Variants in PSMF1 observed in about 807,000 individuals in gnomAD.
PSMF1 encodes proteasome inhibitor subunit 1, also known as proteasome inhibitor PI31 subunit.
PSMF1 carries 30 observed loss-of-function variants against 29.3 expected under a neutral mutation model. The ratio of observed to expected loss-of-function variants is 1.02; its 90% CI spans 0.77 to 1.39. PSMF1 has a LOEUF of 1.39. Among genes scored for constraint, PSMF1 ranks in the 40% most tolerant of loss-of-function variants. The pLI is 0.00. For synonymous variants in PSMF1, 134 were observed against 139.7 expected, an observed-to-expected ratio of 0.96 and a Z score of 0.29; for missense variants, 344 against 357.5, an observed-to-expected ratio of 0.96 and a Z score of 0.31.
rs541690261 is a variant in PSMF1, at chr20:1,169,771, G to C, written c.*4691G>C. Among the ~76,000 whole-genome samples the C allele has an allele frequency of 6.6e-6, 1 of 152,188 alleles. No homozygotes were observed. The highest frequency in any genetic ancestry group is 1.5e-5 in the Non-Finnish European group (1 of 68,032). ...CCAAGTTCAAGGCTCAATTGAATGC[G>C]TCTGGTTGTTGGAACCTACATGGCC... On this transcript the variant is annotated 3_prime_UTR_variant, in exon 7 of 7. Transcript: ENST00000335877.
chr20:1,148,184 T>TA (rs1353241076), intron 4 of PSMF1, among the ~76,000 whole-genome samples: 2 of 152,228 alleles, frequency 1.3e-5, no homozygotes, highest in Non-Finnish European at 2.9e-5. Context: ...TCTGCTGTGA[T>TA]ACTGGGTGCG....
At position 1,170,869 on chromosome 20, in the gene PSMF1, C is replaced by T. The variant is rs1425204062; in HGVS notation, c.*5789C>T. 6.6e-6 allele frequency among the ~76,000 whole-genome samples: 1 copy of T among 152,156 alleles called. No homozygotes were observed. The highest frequency in any genetic ancestry group is 1.5e-5 in the Non-Finnish European group (1 of 68,026). On this transcript the variant is annotated 3_prime_UTR_variant, in exon 7 of 7. Transcript: ENST00000335877. Reference sequence around the variant, plus strand: ...GAAACAAGCATTTATCAGGTGCACACAGCGTGCTAGGCTTCTCCTCATCGC... The same window carrying T: ...GAAACAAGCATTTATCAGGTGCACATAGCGTGCTAGGCTTCTCCTCATCGC...
chr20:1,171,450 T>C lies in PSMF1; in HGVS notation c.*6370T>C, dbSNP rs1474793824. Among the ~76,000 whole-genome samples the C allele has an allele frequency of 2.6e-5, 4 of 152,114 alleles. No individual in the cohort carries two copies. The East Asian group carries it at 7.7e-4, about 29-fold the overall frequency. ...TAGGATGGCAGCTAGTCTTCCCTAT[T>C]GACAGGTGAAAAAGCAGGTCCACAG... On this transcript the variant is annotated 3_prime_UTR_variant, in exon 7 of 7. Coordinates refer to ENST00000335877, the MANE Select transcript of PSMF1 (RefSeq NM_006814.5).
chr20:1,123,293 T>C (rs2086113502), intron 1 of PSMF1, among the ~76,000 whole-genome samples: 2 of 152,142 alleles, frequency 1.3e-5, no homozygotes, highest in Admixed American at 1.3e-4. Flanking sequence ...CCCTTGTCCT[T>C]GGTGTGTGAA....
intron 2 of PSMF1, among the ~76,000 whole-genome samples, chr20:1,126,545 C>T (rs1196057047): frequency 2.0e-5 from 3 of 152,034 alleles, no homozygotes; most frequent in African/African-American, 2.4e-5. Flanking sequence ...CAACAAAAAC[C>T]TCTTGGGTTA....
rs567075733 is a variant in PSMF1 at position 1,167,361 on chromosome 20, T to C, written c.*2281T>C. ...TTTAAATAGCAGCTTTATTGAGATA[T>C]AATTTACATACCCATAATTTACATA... On this transcript the variant is annotated 3_prime_UTR_variant, in exon 7 of 7. Transcript: ENST00000335877. 2 of 150,592 alleles carry C rather than the reference T, an allele frequency of 1.3e-5. No homozygotes were observed. The highest frequency in any genetic ancestry group is 2.9e-5 in the Non-Finnish European group (2 of 68,018). The allele number at this position is 150,592 out of a possible 1,614,324, so 9.3% of individuals were successfully genotyped here.
rs764577093 is a variant in PSMF1 at position 1,165,114 on chromosome 20, C to T, written c.*34C>T. Reference sequence around the variant, plus strand: ...AGAATGTAACATCCCAGGCTTCCCTCCATTCTCCTGGAGCTGCCACCGCTG... The same window carrying T: ...AGAATGTAACATCCCAGGCTTCCCTTCATTCTCCTGGAGCTGCCACCGCTG... On this transcript the variant is annotated 3_prime_UTR_variant, in exon 7 of 7. Coordinates refer to ENST00000335877, the MANE Select transcript of PSMF1 (RefSeq NM_006814.5). 1.9e-5 allele frequency: 31 copies of T among 1,614,034 alleles called. No individual in the cohort carries two copies. The Admixed American group carries it at 2.5e-4, about 13-fold the overall frequency.
chr20:1,159,684 C>A (rs1242146625), intron 4 of PSMF1, among the ~76,000 whole-genome samples: 1 of 152,204 alleles, frequency 6.6e-6, no homozygotes, highest in Non-Finnish European at 1.5e-5. Context: ...ACCTGGTCTG[C>A]CTCTAGTTAG....
At chr20:1,146,656 G>A (rs1213751673) in intron 4 of PSMF1, among the ~76,000 whole-genome samples, 1 of 152,088 alleles carries the variant, frequency 6.6e-6, no homozygotes, top group Admixed American at 6.6e-5. Flanking sequence ...CTCCCCCCAC[G>A]TCAAGGAGAG....
At chr20:1,126,971 A>C (rs1411119334) in intron 2 of PSMF1, among the ~76,000 whole-genome samples, 4 of 152,122 alleles carry the variant, frequency 2.6e-5, no homozygotes, top group African/African-American at 9.7e-5. Flanking sequence ...ATGCCCCGGA[A>C]ACCACTGCTG....
At chr20:1,127,682 C>T (rs2086176670) in intron 3 of PSMF1, among the ~76,000 whole-genome samples, 174 bp downstream of exon 3, 1 of 152,154 alleles carries the variant, frequency 6.6e-6, no homozygotes, top group Non-Finnish European at 1.5e-5. Context: ...GAAGAGGAGA[C>T]TTCCATAGGA....
Position 1,118,622 on chromosome 20 carries a change from T to G in PSMF1, c.-152T>G. 1.1e-6 allele frequency: 1 copy of G among 931,844 alleles called. No homozygotes were observed. Among genetic ancestry groups the G allele is most frequent in the Non-Finnish European group, 1.5e-6 (1 of 656,818 alleles). 57.7% of individuals were successfully genotyped at this position (931,844 alleles called of 1,614,324 possible). A position where few individuals can be genotyped will look rare whatever the true frequency, so the allele number is the denominator to read the frequency against. On this transcript the variant is annotated 5_prime_UTR_variant, in exon 1 of 7. Coordinates refer to ENST00000335877, the MANE Select transcript of PSMF1 (RefSeq NM_006814.5). ...CTTCCGGCTTCCCCGCCCCGCCCCG[T>G]CCCCGGGCGTCTCCATTTTGGTCTC...
intron 4 of PSMF1, among the ~76,000 whole-genome samples, chr20:1,154,621 A>G (rs2086570921): frequency 6.6e-6 from 1 of 152,216 alleles, no homozygotes. Flanking sequence ...CCAAATCAGC[A>G]GTGTCAGCTT....
chr20:1,144,915 A>G (rs1481810389), intron 4 of PSMF1, among the ~76,000 whole-genome samples: 4 of 151,522 alleles, frequency 2.6e-5, no homozygotes, highest in African/African-American at 9.7e-5. Context: ...TTTTCTTTTT[A>G]GACAGAGTCA....
intron 4 of PSMF1, among the ~76,000 whole-genome samples, chr20:1,141,088 T>G (rs1479522501): frequency 6.6e-6 from 1 of 152,192 alleles, no homozygotes; most frequent in African/African-American, 2.4e-5. Flanking sequence ...AAAGACTATA[T>G]ATGATTTATT....
At chr20:1,138,620 A>G (rs4289256) in intron 4 of PSMF1, among the ~76,000 whole-genome samples, 121,777 of 152,032 alleles carry the variant, frequency 0.8, 49,198 homozygotes, top group Non-Finnish European at 0.83. Flanking sequence ...TGACAGGAGC[A>G]TTCAGTTAGC....
intron 3 of PSMF1, among the ~76,000 whole-genome samples, chr20:1,131,740 G>A (rs984390288): frequency 6.6e-6 from 1 of 152,316 alleles, no homozygotes; most frequent in South Asian, 2.1e-4. Flanking sequence ...CCATTCTGCT[G>A]TACCCTTTCT....
rs1467261359 is a variant in PSMF1, at chr20:1,172,173, A to G, written c.*7093A>G. Among the ~76,000 whole-genome samples, 1 of 152,226 alleles carries G rather than the reference A, an allele frequency of 6.6e-6. No homozygotes were observed. Among genetic ancestry groups the G allele is most frequent in the Non-Finnish European group, 1.5e-5 (1 of 68,038 alleles). On this transcript the variant is annotated 3_prime_UTR_variant, in exon 7 of 7. Transcript: ENST00000335877. ...ACCTTGGGCATCAAAGTGACAGCTG[A>G]TAGCCCAGGTTTGCCCACAAATGTG...
intron 4 of PSMF1, among the ~76,000 whole-genome samples, chr20:1,137,169 G>A (rs2086317595): frequency 6.6e-6 from 1 of 152,148 alleles, no homozygotes; most frequent in Admixed American, 6.5e-5. Context: ...ATGGCACCTG[G>A]AGGCTATGCT....
Sources: gnomAD v4.1 joint callset for allele counts (sites outside exome capture counted in the v4.1 genomes callset) on GRCh38, gnomAD v4.1.1 for gene constraint, MANE v1.5 for transcripts, NCBI Gene and HGNC (gene_info 2026-07-23, HGNC 2026-07-21) for gene names.